Variants in MYO18B observed in about 807,000 individuals in gnomAD.
The protein encoded by MYO18B is unconventional myosin-XVIIIb.
Under a neutral mutation model 273.0 loss-of-function variants are expected in MYO18B, and 204 were observed. That is an observed-to-expected ratio of 0.75 (90% CI 0.67 to 0.84). MYO18B has a LOEUF of 0.84. MYO18B is among the 40% of genes least tolerant of loss of function. MYO18B has a pLI of 0.00. For synonymous variants in MYO18B, 1,330 were observed against 1,305.7 expected (o/e 1.02, Z -0.40); for missense variants, 3,212 against 3,287.6 (o/e 0.98, Z 0.56).
intron 3 of MYO18B, among the ~76,000 whole-genome samples, chr22:25,765,065 C>T (rs190605203): frequency 8.8e-4 from 134 of 152,214 alleles, no homozygotes; most frequent in Non-Finnish European, 1.1e-3. Context: ...TTGACACCAG[C>T]AGCGCTGGTG....
the MYO18B span, among the ~76,000 whole-genome samples, chr22:26,042,352 C>A: frequency 6.6e-6 from 1 of 152,184 alleles, no homozygotes; most frequent in African/African-American, 2.4e-5. Context: ...CCTAGTAGGC[C>A]CTCAGTAATA....
rs2093240334 is a variant in MYO18B, at chr22:25,989,625, A to AC, written c.6157-2737dup. ...GTGAAACCCTGTCTCTACTAAAAATACAAAAAAAAAAAAAAAAAAAAAAAA... is the reference window on the plus strand; with the variant it reads ...GTGAAACCCTGTCTCTACTAAAAATACCAAAAAAAAAAAAAAAAAAAAAAAA... On this transcript the variant is annotated intron_variant, in intron 39 of 43. Transcript: ENST00000335473. Among the ~76,000 whole-genome samples the AC allele has an allele frequency of 4.4e-5, 3 of 68,112 alleles. No individual in the cohort carries two copies. The South Asian group carries it at 1.7e-3, about 39-fold the overall frequency. The allele number at this position is 68,112 out of a possible 152,430, so 44.7% of individuals were successfully genotyped here. A position where few individuals can be genotyped will look rare whatever the true frequency, so the allele number is the denominator to read the frequency against.
intron 18 of MYO18B, 54 bp downstream of exon 18, chr22:25,843,948 T>A: frequency 6.5e-7 from 1 of 1,532,784 alleles, no homozygotes; most frequent in Non-Finnish European, 8.9e-7. Context: ...CACTGTGTTT[T>A]CCTTCCCACC....
In MYO18B at chr22:25,903,761, T is replaced by G. The variant is rs1423743134; in HGVS notation, c.5078T>G (p.Leu1693Trp). 2 of 1,604,756 alleles carry G rather than the reference T, an allele frequency of 1.2e-6. No homozygotes were observed. The highest frequency in any genetic ancestry group is 2.2e-5 in the South Asian group (2 of 89,072). Reference sequence around the variant, plus strand: ...GGCTTGAAGGAGAGGCTCTGGAAGTTGGAATCCAGCGCCCTTGAGCAACAG... The same window carrying G: ...GGCTTGAAGGAGAGGCTCTGGAAGTGGGAATCCAGCGCCCTTGAGCAACAG... Reference protein sequence around the residue: ...VAGLKERLWKLESSALEQQKI... With the variant: ...VAGLKERLWKWESSALEQQKI... Residue 1693 changes from leucine (L) to tryptophan (W), a missense_variant, in exon 31 of 44, where the codon TTG becomes TGG. Leu to Trp is a moderately conservative substitution (Grantham distance 61). Transcript: ENST00000335473.
chr22:25,836,742 C>A (rs1458007003), intron 17 of MYO18B, among the ~76,000 whole-genome samples: 2 of 152,062 alleles, frequency 1.3e-5, no homozygotes, highest in East Asian at 3.9e-4. Context: ...GGGTGGATCA[C>A]TTGAGGTCAG....
intron 41 of MYO18B, among the ~76,000 whole-genome samples, chr22:26,003,918 C>T (rs570165001): frequency 7.8e-4 from 118 of 151,898 alleles, no homozygotes; most frequent in Non-Finnish European, 1.2e-3. Context: ...GGACAGAGAG[C>T]AGGTTCTAGT....
intron 39 of MYO18B, among the ~76,000 whole-genome samples, chr22:25,987,420 A>ATATTATCTACATTCTACATATTATTG (rs1393787679): frequency 9.8e-5 from 15 of 152,318 alleles, no homozygotes; most frequent in East Asian, 9.6e-4. Flanking sequence ...GCAAGTATGC[A>ATATTATCTACATTCTACATATTATTG]TATTATCTAC....
At chr22:25,763,529 C>T in intron 3 of MYO18B, 140 bp downstream of exon 3, 2 of 1,027,752 alleles carry the variant, frequency 1.9e-6, no homozygotes, top group Non-Finnish European at 2.8e-6. Context: ...TCAACTTGAT[C>T]TATTGAGCTC....
chr22:26,024,233 A>G (rs1439030315), intron 42 of MYO18B, among the ~76,000 whole-genome samples: 2 of 152,222 alleles, frequency 1.3e-5, no homozygotes, highest in Non-Finnish European at 2.9e-5. Context: ...TATTGGTTAT[A>G]AATTATTCAT....
intron 33 of MYO18B, among the ~76,000 whole-genome samples, chr22:25,919,159 C>G (rs1055401436): frequency 6.6e-6 from 1 of 152,292 alleles, no homozygotes; most frequent in East Asian, 1.9e-4. Context: ...AATGCTCTTC[C>G]TCCACCTCCC....
intron 38 of MYO18B, among the ~76,000 whole-genome samples, chr22:25,953,911 T>C (rs1296155271): frequency 1.3e-5 from 2 of 152,206 alleles, no homozygotes; most frequent in Non-Finnish European, 2.9e-5. Context: ...CCTTCCACTC[T>C]TCCTGCTGTT....
intron 5 of MYO18B, 30 bp downstream of exon 5, chr22:25,770,206 G>T (rs1229320509): frequency 6.2e-7 from 1 of 1,608,414 alleles, no homozygotes; most frequent in Non-Finnish European, 8.5e-7. Flanking sequence ...CCTTTGGAGG[G>T]TCTGAGTCTT....
chr22:26,000,933 A>G (rs1278660771), intron 40 of MYO18B, among the ~76,000 whole-genome samples: 38 of 152,156 alleles, frequency 2.5e-4, no homozygotes, highest in Non-Finnish European at 4.4e-5. Flanking sequence ...TACTATAAAA[A>G]TGTAGGATTA....
intron 35 of MYO18B, among the ~76,000 whole-genome samples, chr22:25,946,659 A>G (rs1258269580): frequency 2.0e-5 from 3 of 152,198 alleles, no homozygotes; most frequent in African/African-American, 7.2e-5. Context: ...CCCAATGTGG[A>G]AACACAACTG....
intron 33 of MYO18B, among the ~76,000 whole-genome samples, chr22:25,916,430 T>G (rs187795017): frequency 8.9e-4 from 136 of 152,344 alleles, no homozygotes; most frequent in African/African-American, 2.7e-3. Context: ...TCAATATTTT[T>G]TATCCCACTT....
intron 40 of MYO18B, among the ~76,000 whole-genome samples, chr22:25,992,818 A>G (rs2093284048): frequency 6.6e-6 from 1 of 152,188 alleles, no homozygotes; most frequent in Non-Finnish European, 1.5e-5. Context: ...AAATGGGCAT[A>G]ATAATATTAG....
intron 33 of MYO18B, among the ~76,000 whole-genome samples, chr22:25,915,974 A>C (rs75931834): frequency 0.025 from 3,762 of 152,302 alleles, 152 homozygotes; most frequent in African/African-American, 0.084. Context: ...ATTAGATACA[A>C]TTTGCTTGTA....
At chr22:26,054,079 G>T in the MYO18B span, among the ~76,000 whole-genome samples, 777 of 152,240 alleles carry the variant, frequency 5.1e-3, 5 homozygotes, top group African/African-American at 0.016. Context: ...ATGTGGAGGC[G>T]GAGAAAAAGA....
intron 39 of MYO18B, 103 bp downstream of exon 39, chr22:25,955,467 C>A: frequency 5.5e-6 from 7 of 1,282,138 alleles, no homozygotes; most frequent in Non-Finnish European, 6.3e-6. Flanking sequence ...AGGTTTGGGT[C>A]CTGGGCCTCA....
Sources: allele counts gnomAD v4.1 joint callset (sites outside exome capture counted in the v4.1 genomes callset), GRCh38; gene constraint gnomAD v4.1.1; transcripts MANE v1.5; gene names NCBI Gene and HGNC (gene_info 2026-07-23, HGNC 2026-07-21).